Variants in NSD1 observed in about 807,000 individuals in gnomAD.
NSD1 encodes histone-lysine N-methyltransferase, H3 lysine-36 specific.
A neutral mutation model predicts 242.7 loss-of-function variants in NSD1; 26 were observed. The ratio of observed to expected loss-of-function variants is 0.11; its 90% CI spans 0.08 to 0.15. The LOEUF is 0.15. Among genes scored for constraint, NSD1 ranks in the 10% least tolerant of loss-of-function variants. The pLI, the probability that NSD1 is intolerant of heterozygous loss-of-function variation, is 1.00. For missense variants in NSD1, 2,495 were observed against 3,272.8 expected, an observed-to-expected ratio of 0.76 and a Z score of 5.80; for synonymous variants, 1,106 against 1,178.1, an observed-to-expected ratio of 0.94 and a Z score of 1.25.
chr5:177,213,132 G>C (rs1763490573), intron 5 of NSD1, among the ~76,000 whole-genome samples: 1 of 152,224 alleles, frequency 6.6e-6, no homozygotes, highest in African/African-American at 2.4e-5. Flanking sequence ...CCTAGCAGCA[G>C]ATGGAAAACA....
intron 19 of NSD1, among the ~76,000 whole-genome samples, chr5:177,283,128 A>G (rs1320017040): frequency 6.6e-6 from 1 of 152,006 alleles, no homozygotes; most frequent in Non-Finnish European, 1.5e-5. Flanking sequence ...TAATTTTTGT[A>G]TTTTTAGTAG....
chr5:177,200,891 G>GT (rs1762463013), intron 3 of NSD1, among the ~76,000 whole-genome samples: 1 of 150,400 alleles, frequency 6.6e-6, no homozygotes, highest in Non-Finnish European at 1.5e-5. Context: ...AGTATCTGGT[G>GT]TTTTTGTATT....
intron 2 of NSD1, among the ~76,000 whole-genome samples, chr5:177,155,287 C>T (rs879523650): frequency 1.4e-4 from 21 of 150,630 alleles, no homozygotes; most frequent in Admixed American, 4.6e-4. Flanking sequence ...CCGCGCCTGG[C>T]CTAATTTTTG....
At chr5:177,239,618 C>G (rs574307013) in intron 7 of NSD1, 138 bp from the exon 8 acceptor site, 2 of 601,944 alleles carry the variant, frequency 3.3e-6, no homozygotes, top group Non-Finnish European at 6.0e-6. Flanking sequence ...AAGCAAATTA[C>G]CATCCTGCCT....
intron 17 of NSD1, among the ~76,000 whole-genome samples, chr5:177,274,264 C>A (rs1352728366): frequency 3.3e-5 from 5 of 152,194 alleles, no homozygotes; most frequent in Admixed American, 3.3e-4. Flanking sequence ...CTTTAACCTA[C>A]CTAGTGAAAT....
chr5:177,236,633 A>G (rs1217728769), intron 6 of NSD1, among the ~76,000 whole-genome samples: 3 of 152,086 alleles, frequency 2.0e-5, no homozygotes, highest in Non-Finnish European at 2.9e-5. Flanking sequence ...TACTTTCTGT[A>G]TTTGTGTAAT....
intron 14 of NSD1, 115 bp downstream of exon 14, chr5:177,260,283 A>T: frequency 1.1e-6 from 1 of 941,362 alleles, no homozygotes; most frequent in Non-Finnish European, 1.7e-6. Context: ...TAGAAATGAT[A>T]CTATTCATCT....
intron 2 of NSD1, among the ~76,000 whole-genome samples, chr5:177,146,597 TATC>T (rs1757266027): frequency 6.6e-6 from 1 of 152,246 alleles, no homozygotes; most frequent in South Asian, 2.1e-4. Flanking sequence ...TCTGTATTTC[TATC>T]AGGACATTCT....
At chr5:177,250,023 C>G (rs1365184786) in intron 11 of NSD1, among the ~76,000 whole-genome samples, 1 of 152,172 alleles carries the variant, frequency 6.6e-6, no homozygotes, top group Non-Finnish European at 1.5e-5. Flanking sequence ...GAGGTAGAGG[C>G]TTTAGTGAGC....
intron 5 of NSD1, among the ~76,000 whole-genome samples, chr5:177,221,466 T>C (rs189269533): frequency 4.8e-5 from 7 of 146,626 alleles, no homozygotes; most frequent in Admixed American, 4.7e-4. Flanking sequence ...TATAAAACTC[T>C]TTTTTTCCCC....
At chr5:177,232,624 C>T (rs1000863043) in intron 5 of NSD1, among the ~76,000 whole-genome samples, 4 of 152,212 alleles carry the variant, frequency 2.6e-5, no homozygotes, top group Admixed American at 6.5e-5. Context: ...GATAAAATGG[C>T]ACACGTGCAG....
At chr5:177,257,790 C>T (rs1190025983) in intron 13 of NSD1, among the ~76,000 whole-genome samples, 2 of 151,528 alleles carry the variant, frequency 1.3e-5, no homozygotes, top group Non-Finnish European at 2.9e-5. Context: ...ATTAGAAAAC[C>T]AGAGTGTAGT....
In NSD1 at chr5:177,209,925, C is replaced by A. The variant is rs2149843092; in HGVS notation, c.1526C>A (p.Thr509Asn). The change falls in exon 5 of 23, where the codon ACT becomes AAT. Residue 509 changes from threonine (T) to asparagine (N), a missense_variant. Transcript: ENST00000439151. ...AAGAGCTCTGATAATCCAAAAAGGACTAGTGTGAAAAAGGGCCACATACAA... is the reference window on the plus strand; with the variant it reads ...AAGAGCTCTGATAATCCAAAAAGGAATAGTGTGAAAAAGGGCCACATACAA... ...ARKSSDNPKRTSVKKGHIQFE... is the reference protein window; with the variant it reads ...ARKSSDNPKRNSVKKGHIQFE... 2 of 1,614,026 alleles carry A rather than the reference C, an allele frequency of 1.2e-6. No homozygotes were observed. The highest frequency in any genetic ancestry group is 8.5e-7 in the Non-Finnish European group (1 of 1,180,000).
intron 5 of NSD1, 138 bp downstream of exon 5, chr5:177,212,333 G>A: frequency 1.2e-6 from 1 of 854,642 alleles, no homozygotes; most frequent in Non-Finnish European, 1.9e-6. Context: ...AATGAAGAAG[G>A]AGTTTTATGT....
At chr5:177,173,731 C>T (rs1759927926) in intron 2 of NSD1, among the ~76,000 whole-genome samples, 1 of 152,032 alleles carries the variant, frequency 6.6e-6, no homozygotes, top group Non-Finnish European at 1.5e-5. Context: ...CTGGGCCTCC[C>T]AAAGTGCCGG....
chr5:177,240,540 C>A (rs142481199), intron 8 of NSD1, among the ~76,000 whole-genome samples: 2,771 of 152,076 alleles, frequency 0.018, 32 homozygotes, highest in Non-Finnish European at 0.028. Context: ...GGAGAAACCC[C>A]CTCTCTACTA....
At chr5:177,256,887 C>G (rs1756512882) in intron 12 of NSD1, 64 bp from the exon 13 acceptor site, 2 of 1,403,692 alleles carry the variant, frequency 1.4e-6, no homozygotes, top group African/African-American at 1.4e-5. Flanking sequence ...AACTTTTCAC[C>G]TAATGGTTTA....
chr5:177,223,487 C>T (rs560240663), intron 5 of NSD1, among the ~76,000 whole-genome samples: 12 of 151,876 alleles, frequency 7.9e-5, no homozygotes, highest in Admixed American at 4.6e-4. Flanking sequence ...GCAGGAGAAT[C>T]ACTTGAACCC....
rs181028261 is a variant in NSD1, at chr5:177,213,872, T to G, written c.3796+1677T>G. Among the ~76,000 whole-genome samples the G allele has an allele frequency of 9.6e-4, 146 of 152,366 alleles. 1 individual carries two copies. The highest frequency in any genetic ancestry group is 3.2e-3 in the African/African-American group (135 of 41,586). On this transcript the variant is annotated intron_variant, in intron 5 of 22. Transcript: ENST00000439151. ...TCCTTTTGGGTCTGGTTTCCCTTAC[T>G]TAGTTTAATGTTTTCTGGTTCATGC...
Sources: allele counts gnomAD v4.1 joint callset (sites outside exome capture counted in the v4.1 genomes callset), GRCh38; gene constraint gnomAD v4.1.1; transcripts MANE v1.5; gene names NCBI Gene and HGNC (gene_info 2026-07-23, HGNC 2026-07-21).